The following APBA1 variants were observed in gnomAD, a reference collection of about 807,000 sequenced individuals.
The protein encoded by APBA1 is amyloid beta precursor protein binding family A member 1, also known as amyloid-beta A4 precursor protein-binding family A member 1.
In APBA1, 55 loss-of-function variants were observed where a neutral mutation model predicts 86.6. The observed-to-expected ratio is 0.64, with a 90% CI of 0.51 to 0.80. APBA1 has a LOEUF of 0.80. APBA1 is among the 30% of genes least tolerant of loss of function. The pLI, the probability that APBA1 is intolerant of heterozygous loss-of-function variation, is 0.00. For synonymous variants in APBA1, 511 were observed against 493.9 expected (o/e 1.03, Z -0.46); for missense variants, 1,090 against 1,183.0 (o/e 0.92, Z 1.15).
intron 2 of APBA1, chr9:69,494,336 C>T (rs1456701738): frequency 6.6e-6 from 1 of 152,092 alleles, no homozygotes; most frequent in African/African-American, 2.4e-5. Context: ...CATGTTAAAT[C>T]TATAGGTTGA....
At chr9:69,594,250 T>A (rs1588383605) in intron 1 of APBA1, among the ~76,000 whole-genome samples, 1 of 152,086 alleles carries the variant, frequency 6.6e-6, no homozygotes, top group African/African-American at 2.4e-5. Context: ...GTAGGGGGTG[T>A]CTTTAAAATG....
chr9:69,482,375 CTCA>C (rs1296364634), intron 2 of APBA1, among the ~76,000 whole-genome samples: 1 of 151,576 alleles, frequency 6.6e-6, no homozygotes, highest in Admixed American at 6.6e-5. Flanking sequence ...TGAAAAAATG[CTCA>C]TCATCACTGG....
chr9:69,612,017 T>C (rs1454559498), intron 1 of APBA1, among the ~76,000 whole-genome samples: 1 of 152,160 alleles, frequency 6.6e-6, no homozygotes, highest in Non-Finnish European at 1.5e-5. Flanking sequence ...GCTAATCAGA[T>C]GGGATTATAT....
intron 2 of APBA1, among the ~76,000 whole-genome samples, chr9:69,483,984 T>C (rs1835566922): frequency 1.3e-5 from 2 of 152,264 alleles, no homozygotes; most frequent in South Asian, 4.1e-4. Flanking sequence ...GAGAATTTAA[T>C]GCCTTTAAAT....
At chr9:69,512,220 C>G (rs1332263651) in intron 2 of APBA1, among the ~76,000 whole-genome samples, 1 of 152,068 alleles carries the variant, frequency 6.6e-6, no homozygotes, top group Non-Finnish European at 1.5e-5. Flanking sequence ...AGAAGAAAAT[C>G]ACATAAGTAT....
chr9:69,494,018 G>A (rs906825811), intron 2 of APBA1, among the ~76,000 whole-genome samples: 10 of 151,844 alleles, frequency 6.6e-5, no homozygotes, highest in African/African-American at 2.2e-4. Context: ...GTGCTTCTAA[G>A]AATCGAAACT....
intron 1 of APBA1, among the ~76,000 whole-genome samples, chr9:69,560,440 T>A (rs1836930823): frequency 6.6e-6 from 1 of 152,184 alleles, no homozygotes; most frequent in African/African-American, 2.4e-5. Context: ...TATGGAGACC[T>A]GGATTTGAAT....
At chr9:69,494,122 C>T (rs2297420) in intron 2 of APBA1, among the ~76,000 whole-genome samples, 57,068 of 151,884 alleles carry the variant, frequency 0.38, 12,350 homozygotes, top group Non-Finnish European at 0.47. Context: ...AAAGTTATCA[C>T]GGCATTGTAG....
At position 69,476,055 on chromosome 9, in the gene APBA1, T is replaced by A; in HGVS notation, c.1289A>T (p.Asn430Ile). Residue 430 changes from asparagine (N) to isoleucine (I), a missense_variant, in exon 3 of 13, where the codon AAT becomes ATT. Physicochemically the swap from Asn to Ile is moderately radical, Grantham distance 149. Transcript: ENST00000265381. ...AACAAAACAGCACCCTACCTCTTTA[T>A]TAGTGGACGCTTCCACAGGGTCACT... ...HPSDPVEAST[N>I]KESRKSLASF... The A allele has an allele frequency of 6.2e-7, 1 of 1,613,882 alleles. No homozygotes were observed. Among genetic ancestry groups the A allele is most frequent in the Non-Finnish European group, 8.5e-7 (1 of 1,179,774 alleles).
At chr9:69,620,519 A>T (rs1164639229) in intron 1 of APBA1, among the ~76,000 whole-genome samples, 5 of 152,130 alleles carry the variant, frequency 3.3e-5, no homozygotes, top group African/African-American at 1.2e-4. Flanking sequence ...CTCTACTAAA[A>T]TACAAAAATT....
At chr9:69,664,874 C>T (rs1162221928) in intron 1 of APBA1, among the ~76,000 whole-genome samples, 1 of 152,192 alleles carries the variant, frequency 6.6e-6, no homozygotes, top group Non-Finnish European at 1.5e-5. Context: ...TGTCACAATA[C>T]ATTAAAATCC....
chr9:69,442,856 G>T (rs1445915851), intron 10 of APBA1, among the ~76,000 whole-genome samples: 1 of 152,160 alleles, frequency 6.6e-6, no homozygotes, highest in Non-Finnish European at 1.5e-5. Flanking sequence ...AGATTGCTTT[G>T]TCCAAGGGCT....
intron 3 of APBA1, among the ~76,000 whole-genome samples, chr9:69,475,153 G>A (rs1835422953): frequency 6.6e-6 from 1 of 152,134 alleles, no homozygotes; most frequent in East Asian, 1.9e-4. Context: ...TCTCCCCTCT[G>A]GGGCTGCCCT....
chr9:69,561,756 A>T (rs4744914), intron 1 of APBA1, among the ~76,000 whole-genome samples: 82,158 of 151,790 alleles, frequency 0.54, 23,610 homozygotes, highest in East Asian at 0.83. Context: ...TCAGCCTCTC[A>T]AGTAGCTGGG....
In APBA1 at chr9:69,652,468, G is replaced by A. The variant is rs1823526176; in HGVS notation, c.-70+19685C>T. 2.6e-5 allele frequency among the ~76,000 whole-genome samples: 4 copies of A among 152,142 alleles called. No individual in the cohort carries two copies. In the South Asian group the frequency reaches 6.2e-4, roughly 24 times the overall value. On this transcript the variant is annotated intron_variant, in intron 1 of 12. Transcript: ENST00000265381. Reference sequence around the variant, plus strand: ...TGTTTCCTCTGGTCACAATGTGGCTGCACAGAAGCAGCCTGTCTAAGCTGG... The same window carrying A: ...TGTTTCCTCTGGTCACAATGTGGCTACACAGAAGCAGCCTGTCTAAGCTGG...
intron 1 of APBA1, among the ~76,000 whole-genome samples, chr9:69,649,266 A>G (rs559357553): frequency 2.6e-5 from 4 of 152,228 alleles, no homozygotes; most frequent in Non-Finnish European, 2.9e-5. Context: ...CACAAATCTG[A>G]TCATGTCTTT....
At chr9:69,475,209 C>T (rs2133837744) in intron 3 of APBA1, among the ~76,000 whole-genome samples, 1 of 152,350 alleles carries the variant, frequency 6.6e-6, no homozygotes, top group East Asian at 1.9e-4. Context: ...CATCTTCTCA[C>T]TGAAATGCTC....
At chr9:69,595,189 A>G (rs1461733443) in intron 1 of APBA1, among the ~76,000 whole-genome samples, 1 of 152,216 alleles carries the variant, frequency 6.6e-6, no homozygotes, top group Non-Finnish European at 1.5e-5. Flanking sequence ...TGCCTGGGTA[A>G]TATCTGTAAT....
At chr9:69,599,215 T>C (rs1291123411) in intron 1 of APBA1, among the ~76,000 whole-genome samples, 1 of 152,238 alleles carries the variant, frequency 6.6e-6, no homozygotes, top group Non-Finnish European at 1.5e-5. Context: ...ATATTACATA[T>C]ATTTACCGCA....
Sources: allele counts gnomAD v4.1 joint callset (sites outside exome capture counted in the v4.1 genomes callset), GRCh38; gene constraint gnomAD v4.1.1; transcripts MANE v1.5; gene names NCBI Gene and HGNC (gene_info 2026-07-23, HGNC 2026-07-21).